DUSP16: variants seen among roughly 807,000 people sequenced by gnomAD.
DUSP16 encodes the protein dual specificity protein phosphatase 16.
Under a neutral mutation model 58.3 loss-of-function variants are expected in DUSP16, and 21 were observed. That is an observed-to-expected ratio of 0.36 (90% CI 0.26 to 0.52). DUSP16 has a LOEUF of 0.52. Ranked by LOEUF, DUSP16 falls within the 20% of genes least tolerant of loss-of-function variation. The pLI, the probability that DUSP16 is intolerant of heterozygous loss-of-function variation, is 0.94. For missense variants in DUSP16, 726 were observed against 819.0 expected, an observed-to-expected ratio of 0.89 and a Z score of 1.39; for synonymous variants, 320 against 323.8, an observed-to-expected ratio of 0.99 and a Z score of 0.12.
intron 3 of DUSP16, among the ~76,000 whole-genome samples, chr12:12,502,096 G>A (rs1221524296): frequency 6.6e-6 from 1 of 152,178 alleles, no homozygotes; most frequent in Non-Finnish European, 1.5e-5. Context: ...TCTGACTCAA[G>A]TATTTATCTT....
chr12:12,488,245 T>C (rs1175405468), intron 4 of DUSP16, among the ~76,000 whole-genome samples: 2 of 121,396 alleles, frequency 1.6e-5, no homozygotes, highest in Non-Finnish European at 3.6e-5. Flanking sequence ...GAAGACACTC[T>C]TCCCACTTTT....
chr12:12,528,930 G>A (rs1035739400), intron 1 of DUSP16, among the ~76,000 whole-genome samples: 10 of 151,184 alleles, frequency 6.6e-5, no homozygotes, highest in African/African-American at 2.4e-4. Context: ...AGAGGAGAGT[G>A]GTAAGAGACT....
intron 4 of DUSP16, among the ~76,000 whole-genome samples, chr12:12,494,229 A>T (rs1340352684): frequency 1.3e-5 from 2 of 152,230 alleles, no homozygotes; most frequent in Non-Finnish European, 2.9e-5. Flanking sequence ...AAAATTTTAG[A>T]TTCTCAAATT....
chr12:12,525,731 TACACACAC>T (rs35552389), intron 1 of DUSP16, among the ~76,000 whole-genome samples: 35 of 146,078 alleles, frequency 2.4e-4, no homozygotes, highest in South Asian at 6.6e-4. Flanking sequence ...AATATATGTA[TACACACAC>T]ACACACACAC....
At chr12:12,549,789 TAGGG>T (rs1300295920) in intron 1 of DUSP16, among the ~76,000 whole-genome samples, 2 of 146,382 alleles carry the variant, frequency 1.4e-5, no homozygotes, top group Non-Finnish European at 3.0e-5. Flanking sequence ...AAAAAAAAAA[TAGGG>T]AGAGCAAATT....
At position 12,476,616 on chromosome 12, in the gene DUSP16, C is replaced by A; in HGVS notation, c.*217G>T. The A allele has an allele frequency of 2.1e-6, 1 of 484,482 alleles. No homozygotes were observed. Among genetic ancestry groups the A allele is most frequent in the South Asian group, 3.7e-5 (1 of 27,354 alleles). 30.0% of individuals were successfully genotyped at this position (484,482 alleles called of 1,614,324 possible). ...CTCCGTCTAGGGGGGATTCTAGCAT[C>A]TGCCCTTCCATTTTTGTTGAGAGAA... On this transcript the variant is annotated 3_prime_UTR_variant, in exon 7 of 7. Transcript: ENST00000298573.
chr12:12,475,391 T>G lies in DUSP16; in HGVS notation c.*1442A>C, dbSNP rs917838086. On this transcript the variant is annotated 3_prime_UTR_variant, in exon 7 of 7. Coordinates refer to ENST00000298573, the MANE Select transcript of DUSP16 (RefSeq NM_030640.3). ...AGCTGCCAGGACCGATTCCATACAG[T>G]GATTGTAGGTTGAGGACTGAGGACG... 1 of 152,122 alleles carries G rather than the reference T, an allele frequency of 6.6e-6. No individual in the cohort carries two copies. Among genetic ancestry groups the G allele is most frequent in the Non-Finnish European group, 1.5e-5 (1 of 68,010 alleles). 9.4% of individuals were successfully genotyped at this position (152,122 alleles called of 1,614,324 possible). A position where few individuals can be genotyped will look rare whatever the true frequency, so the allele number is the denominator to read the frequency against.
At chr12:12,481,382 A>G (rs1943561720) in intron 5 of DUSP16, among the ~76,000 whole-genome samples, 1 of 152,182 alleles carries the variant, frequency 6.6e-6, no homozygotes, top group South Asian at 2.1e-4. Context: ...TGACTGCCTC[A>G]ATTCTAAATA....
chr12:12,541,111 A>G (rs1218331336), intron 1 of DUSP16, among the ~76,000 whole-genome samples: 2 of 151,494 alleles, frequency 1.3e-5, no homozygotes, highest in African/African-American at 2.4e-5. Context: ...TGTGCACACC[A>G]TCACGCCTGG....
intron 5 of DUSP16, among the ~76,000 whole-genome samples, chr12:12,480,764 G>A (rs765170085): frequency 7.9e-5 from 12 of 151,840 alleles, no homozygotes; most frequent in Non-Finnish European, 1.5e-4. Context: ...TTGCTCTGTC[G>A]CCCAGGCTGG....
At chr12:12,524,460 C>G (rs1449737839) in intron 1 of DUSP16, among the ~76,000 whole-genome samples, 1 of 152,226 alleles carries the variant, frequency 6.6e-6, no homozygotes. Context: ...TGGCCTTAAT[C>G]TCTTTCATTT....
intron 3 of DUSP16, among the ~76,000 whole-genome samples, chr12:12,517,097 G>C (rs1229515180): frequency 2.0e-5 from 3 of 152,236 alleles, no homozygotes; most frequent in Admixed American, 6.5e-5. Flanking sequence ...CTTATTCACA[G>C]TCATTCTTCC....
At chr12:12,479,185 C>A (rs1164091172) in intron 6 of DUSP16, among the ~76,000 whole-genome samples, 1 of 151,616 alleles carries the variant, frequency 6.6e-6, no homozygotes, top group East Asian at 1.9e-4. Flanking sequence ...GATGACAGAC[C>A]AATTCTTCAG....
chr12:12,524,591 A>G (rs958198751), intron 1 of DUSP16, among the ~76,000 whole-genome samples: 22 of 152,244 alleles, frequency 1.4e-4, no homozygotes, highest in Non-Finnish European at 5.9e-5. Flanking sequence ...GAAAGATGAC[A>G]AGAGAATATT....
intron 3 of DUSP16, among the ~76,000 whole-genome samples, chr12:12,514,338 G>C (rs566578878): frequency 3.3e-5 from 5 of 152,316 alleles, no homozygotes; most frequent in Admixed American, 6.5e-5. Flanking sequence ...ATGGGTGTGG[G>C]CATGGCACTG....
chr12:12,486,274 C>T (rs1943680380), intron 5 of DUSP16, among the ~76,000 whole-genome samples: 1 of 152,122 alleles, frequency 6.6e-6, no homozygotes, highest in African/African-American at 2.4e-5. Context: ...TTCTCCTCTG[C>T]TCAGCCACTG....
At chr12:12,479,288 A>AT (rs3839978) in intron 6 of DUSP16, among the ~76,000 whole-genome samples, 2 of 151,916 alleles carry the variant, frequency 1.3e-5, no homozygotes, top group Admixed American at 6.6e-5. Context: ...GAAAAAAAAA[A>AT]CTTGGAAATC....
In DUSP16 at chr12:12,503,068, G is replaced by A. The variant is rs567469191; in HGVS notation, c.368-2386C>T. On this transcript the variant is annotated intron_variant, in intron 3 of 6. Transcript: ENST00000298573. ...ACTTTCTAGTTGTCTGATTTGTCAAGTTACTTAAGCCCCTCCTACTCTAAT... is the reference window on the plus strand; with the variant it reads ...ACTTTCTAGTTGTCTGATTTGTCAAATTACTTAAGCCCCTCCTACTCTAAT... 1.3e-3 allele frequency among the ~76,000 whole-genome samples: 4 copies of A among 3,068 alleles called. No individual in the cohort carries two copies. The South Asian group carries it at 0.074, about 57-fold the overall frequency. The allele number at this position is 3,068 out of a possible 152,430, so 2.0% of individuals were successfully genotyped here.
intron 1 of DUSP16, chr12:12,560,841 T>C (rs1450575373): frequency 2.0e-5 from 3 of 151,668 alleles, no homozygotes; most frequent in African/African-American, 7.3e-5. Context: ...ATCCTTTACG[T>C]GGACTCTCCA....
Sources: gnomAD v4.1 joint callset for allele counts (sites outside exome capture counted in the v4.1 genomes callset) on GRCh38, gnomAD v4.1.1 for gene constraint, MANE v1.5 for transcripts, NCBI Gene and HGNC (gene_info 2026-07-23, HGNC 2026-07-21) for gene names.